Variants in SLC24A4 observed in about 807,000 individuals in gnomAD.
The protein encoded by SLC24A4 is solute carrier family 24 member 4, also known as sodium/potassium/calcium exchanger 4.
In SLC24A4, 53 loss-of-function variants were observed where a neutral mutation model predicts 79.0. That is an observed-to-expected ratio of 0.67 (90% CI 0.54 to 0.84). The LOEUF (loss-of-function observed/expected upper bound fraction) is 0.84, where lower values mean the gene tolerates loss of function less well. Ranked by LOEUF, SLC24A4 falls within the 40% of genes least tolerant of loss-of-function variation. The pLI, the probability that SLC24A4 is intolerant of heterozygous loss-of-function variation, is 0.00. For synonymous variants in SLC24A4, 323 were observed against 323.8 expected, an observed-to-expected ratio of 1.00 and a Z score of 0.03; for missense variants, 731 against 822.0, an observed-to-expected ratio of 0.89 and a Z score of 1.35.
At chr14:92,365,710 C>T (rs943536355) in intron 2 of SLC24A4, among the ~76,000 whole-genome samples, 2 of 152,190 alleles carry the variant, frequency 1.3e-5, no homozygotes, top group African/African-American at 4.8e-5. Flanking sequence ...ACTATATTGG[C>T]CACTTATGTT....
Position 92,432,244 on chromosome 14 carries a change from G to A in SLC24A4, c.242-1668G>A, listed in dbSNP as rs75263396. Among the ~76,000 whole-genome samples, 1,507 of 152,326 alleles carry A rather than the reference G, an allele frequency of 9.9e-3. 11 individuals are homozygous for A. The highest frequency in any genetic ancestry group is 0.015 in the Non-Finnish European group (1,019 of 68,034). On this transcript the variant is annotated intron_variant, in intron 2 of 16. Transcript: ENST00000532405. ...CTGAGTAGAAGTCTGTTCCTACCAA[G>A]GGCAAAGCCATTTAGAACCAACGCC...
intron 2 of SLC24A4, among the ~76,000 whole-genome samples, chr14:92,407,533 A>G (rs1347762353): frequency 6.6e-6 from 1 of 152,208 alleles, no homozygotes; most frequent in Non-Finnish European, 1.5e-5. Context: ...ATTGACTCAC[A>G]GTTCTGTGGC....
intron 14 of SLC24A4, among the ~76,000 whole-genome samples, chr14:92,489,101 T>C (rs1566806892): frequency 1.3e-5 from 2 of 151,918 alleles, no homozygotes; most frequent in East Asian, 3.9e-4. Context: ...GTCCTCAGGG[T>C]AACATTGATA....
Position 92,490,515 on chromosome 14 carries a change from T to C in SLC24A4, c.1538-1150T>C, listed in dbSNP as rs1177610120. On this transcript the variant is annotated intron_variant, in intron 14 of 16. Coordinates refer to ENST00000532405, the MANE Select transcript of SLC24A4 (RefSeq NM_153646.4). This position sits in a 1 kb window ranked among gnomAD's most constrained non-coding sequence, Gnocchi z 4.3. ...GAAACTACCAGAGCATACAATCCGA[T>C]ATCCTGTGATTCCCAGGCAGGGTCG... Among the ~76,000 whole-genome samples, 1 of 152,194 alleles carries C rather than the reference T, an allele frequency of 6.6e-6. No homozygotes were observed. The highest frequency in any genetic ancestry group is 1.5e-5 in the Non-Finnish European group (1 of 68,018).
chr14:92,463,875 A>G (rs943016040), intron 12 of SLC24A4, among the ~76,000 whole-genome samples: 6 of 152,076 alleles, frequency 3.9e-5, no homozygotes, highest in African/African-American at 1.4e-4. Context: ...GATTCTGAAT[A>G]TTTCATATAA....
intron 2 of SLC24A4, among the ~76,000 whole-genome samples, chr14:92,402,855 G>A (rs1000890158): frequency 4.6e-5 from 7 of 152,140 alleles, no homozygotes; most frequent in African/African-American, 9.7e-5. Context: ...CTGGGAATTC[G>A]AGATGAGATT....
At chr14:92,447,980 T>C (rs944022324) in intron 9 of SLC24A4, among the ~76,000 whole-genome samples, 2 of 152,100 alleles carry the variant, frequency 1.3e-5, no homozygotes, top group Admixed American at 1.3e-4. Context: ...AGGAATACTA[T>C]GCAGCCAGAA....
In SLC24A4 at chr14:92,349,320, C is replaced by T. The variant is rs186090067; in HGVS notation, c.241+23342C>T. ...GATTACAGGTGCACACCACCACACC[C>T]GGGTAATTTTTGTATTTTCAATAGA... On this transcript the variant is annotated intron_variant, in intron 2 of 16. Coordinates refer to ENST00000532405, the MANE Select transcript of SLC24A4 (RefSeq NM_153646.4). Among the ~76,000 whole-genome samples the T allele has an allele frequency of 3.5e-3, 533 of 152,194 alleles. 3 individuals carry two copies. The highest frequency in any genetic ancestry group is 0.012 in the African/African-American group (508 of 41,518).
At chr14:92,412,102 C>G (rs1595239940) in intron 2 of SLC24A4, among the ~76,000 whole-genome samples, 1 of 152,134 alleles carries the variant, frequency 6.6e-6, no homozygotes, top group Admixed American at 6.5e-5. Context: ...ACAGAGGGGC[C>G]TTGAGATGTA....
At chr14:92,326,011 T>C in intron 2 of SLC24A4, 33 bp downstream of exon 2, 1 of 1,496,502 alleles carries the variant, frequency 6.7e-7, no homozygotes, top group Non-Finnish European at 9.3e-7. Context: ...CTCAGTCTAC[T>C]AAGATGTTTG....
At chr14:92,446,851 G>C (rs921468698) in intron 8 of SLC24A4, among the ~76,000 whole-genome samples, 1 of 152,182 alleles carries the variant, frequency 6.6e-6, no homozygotes, top group African/African-American at 2.4e-5. Flanking sequence ...ATCCCAGGAA[G>C]ACCCCAGCCT....
intron 2 of SLC24A4, among the ~76,000 whole-genome samples, chr14:92,409,094 G>A (rs558481402): frequency 3.3e-5 from 5 of 152,284 alleles, no homozygotes; most frequent in South Asian, 2.1e-4. Flanking sequence ...GGGTCAGGAC[G>A]GCCTGTGGAA....
intron 14 of SLC24A4, among the ~76,000 whole-genome samples, chr14:92,489,238 G>T (rs1274298879): frequency 6.6e-6 from 1 of 151,984 alleles, no homozygotes; most frequent in Non-Finnish European, 1.5e-5. Context: ...AGGAGTTTGA[G>T]ACCAGCCTGG....
At chr14:92,377,635 A>G (rs1595186319) in intron 2 of SLC24A4, among the ~76,000 whole-genome samples, 1 of 152,192 alleles carries the variant, frequency 6.6e-6, no homozygotes, top group Admixed American at 6.5e-5. Context: ...CTTGGGCCTT[A>G]TCTTGAGGGT....
At chr14:92,467,664 C>T (rs1451229394) in intron 12 of SLC24A4, among the ~76,000 whole-genome samples, 1 of 152,174 alleles carries the variant, frequency 6.6e-6, no homozygotes, top group Non-Finnish European at 1.5e-5. Context: ...TGCCCTCCAG[C>T]CAGGCCAGTG....
intron 2 of SLC24A4, among the ~76,000 whole-genome samples, chr14:92,414,573 A>G (rs543496987): frequency 2.6e-5 from 4 of 152,182 alleles, no homozygotes; most frequent in African/African-American, 7.2e-5. Context: ...CCAGCTCTAC[A>G]AAAACAAACA....
At chr14:92,356,644 A>G (rs1887195671) in intron 2 of SLC24A4, among the ~76,000 whole-genome samples, 2 of 152,236 alleles carry the variant, frequency 1.3e-5, no homozygotes, top group South Asian at 2.1e-4. Flanking sequence ...TGTAAGTCAC[A>G]TGGCGCAGTG....
chr14:92,480,894 T>G (rs1394252441), intron 12 of SLC24A4, among the ~76,000 whole-genome samples: 10 of 152,226 alleles, frequency 6.6e-5, no homozygotes, highest in Admixed American at 5.2e-4. Context: ...TGTTGCTTGT[T>G]TAGTGACTTT....
intron 2 of SLC24A4, among the ~76,000 whole-genome samples, chr14:92,333,278 G>A (rs184029056): frequency 6.6e-6 from 1 of 150,964 alleles, no homozygotes; most frequent in African/African-American, 2.5e-5. Flanking sequence ...ATTTTTAGTA[G>A]AGAGGGGGGT....
Sources: allele counts gnomAD v4.1 joint callset (sites outside exome capture counted in the v4.1 genomes callset), GRCh38; gene constraint gnomAD v4.1.1; non-coding constraint Gnocchi (gnomAD v3.1); transcripts MANE v1.5; gene names NCBI Gene and HGNC (gene_info 2026-07-23, HGNC 2026-07-21).